The following TNRC6B variants were observed in gnomAD, a reference collection of about 807,000 sequenced individuals.
TNRC6B encodes the protein trinucleotide repeat-containing gene 6B protein.
In TNRC6B, 52 loss-of-function variants were observed where a neutral mutation model predicts 203.6. The observed-to-expected ratio is 0.26, with a 90% CI of 0.20 to 0.32. The LOEUF is 0.32. TNRC6B is among the 10% of genes least tolerant of loss of function. The pLI is 1.00. For missense variants in TNRC6B, 1,923 were observed against 2,286.2 expected, an observed-to-expected ratio of 0.84 and a Z score of 3.24; for synonymous variants, 838 against 845.7, an observed-to-expected ratio of 0.99 and a Z score of 0.16.
chr22:40,110,446 C>A (rs1473355739), intron 1 of TNRC6B, among the ~76,000 whole-genome samples: 1 of 152,168 alleles, frequency 6.6e-6, no homozygotes, highest in Non-Finnish European at 1.5e-5. Flanking sequence ...TTCTTGTAAC[C>A]CTCGGTGAAT....
intron 1 of TNRC6B, among the ~76,000 whole-genome samples, chr22:40,215,196 C>T (rs150946113): frequency 9.2e-5 from 14 of 152,246 alleles, no homozygotes; most frequent in Admixed American, 9.2e-4. Flanking sequence ...CTTACAATCA[C>T]TGGTGTCCTA....
At chr22:40,279,446 T>C (rs1288772886) in intron 9 of TNRC6B, among the ~76,000 whole-genome samples, 1 of 152,214 alleles carries the variant, frequency 6.6e-6, no homozygotes, top group Non-Finnish European at 1.5e-5. Context: ...TTATGGCACC[T>C]GGGAAATTGC....
intron 3 of TNRC6B, among the ~76,000 whole-genome samples, chr22:40,150,974 C>G (rs186972682): frequency 1.3e-5 from 2 of 152,154 alleles, no homozygotes; most frequent in African/African-American, 4.8e-5. Context: ...CAAAATCAAG[C>G]TCTTTAGGGT....
intron 1 of TNRC6B, among the ~76,000 whole-genome samples, chr22:40,097,196 T>C (rs1410734003): frequency 6.6e-6 from 1 of 152,236 alleles, no homozygotes; most frequent in Admixed American, 6.5e-5. Flanking sequence ...AGATTTATTT[T>C]TTATTATAAG....
intron 3 of TNRC6B, among the ~76,000 whole-genome samples, chr22:40,142,256 T>G (rs2068650828): frequency 6.7e-6 from 1 of 149,074 alleles, no homozygotes; most frequent in Admixed American, 6.7e-5. Flanking sequence ...GAGAGGGGTC[T>G]CCACTATGTT....
chr22:40,132,969 A>AAATATATATATATATATATATAT (rs1282694632), intron 3 of TNRC6B, among the ~76,000 whole-genome samples: 7 of 78,170 alleles, frequency 9.0e-5, no homozygotes, highest in Non-Finnish European at 1.8e-4. Flanking sequence ...AAAAAAAAAA[A>AAATATATATATATATATATATAT]ATATATATAT....
intron 3 of TNRC6B, among the ~76,000 whole-genome samples, chr22:40,135,919 T>G (rs919301054): frequency 1.3e-5 from 2 of 152,204 alleles, no homozygotes; most frequent in African/African-American, 4.8e-5. Flanking sequence ...TCTGTATCTT[T>G]ACATTCAGCT....
intron 1 of TNRC6B, among the ~76,000 whole-genome samples, chr22:40,097,961 A>T (rs1472125893): frequency 6.6e-6 from 1 of 152,086 alleles, no homozygotes; most frequent in African/African-American, 2.4e-5. Context: ...CTACAGGTGT[A>T]TGCCACCACT....
intron 3 of TNRC6B, among the ~76,000 whole-genome samples, chr22:40,135,626 G>A (rs565384903): frequency 1.6e-4 from 24 of 152,038 alleles, no homozygotes; most frequent in South Asian, 6.2e-4. Flanking sequence ...CTCAGCCTCC[G>A]GAATAGCTGA....
At position 40,094,283 on chromosome 22, in the gene TNRC6B, G is replaced by T. The variant is rs551736715; in HGVS notation, c.-120-22772G>T. On this transcript the variant is annotated intron_variant, in intron 1 of 23. Coordinates refer to the TNRC6B transcript ENST00000301923. ...GATGCCATCATTCCTAAGACATATT[G>T]TATTTTATGCTCCATTAAGAAAGAA... 4.6e-5 allele frequency among the ~76,000 whole-genome samples: 7 copies of T among 151,992 alleles called. No individual in the cohort carries two copies. In the South Asian group the frequency reaches 1.2e-3, roughly 27 times the overall value.
chr22:40,154,861 ATATATATAT>A (rs1364569866), intron 3 of TNRC6B, among the ~76,000 whole-genome samples: 2 of 18,454 alleles, frequency 1.1e-4, no homozygotes, highest in Non-Finnish European at 1.7e-4. Flanking sequence ...AAAAAAAAAA[ATATATATAT>A]ATATATATAT....
chr22:40,216,535 CCAGGACG>C (rs759776531), intron 1 of TNRC6B, among the ~76,000 whole-genome samples: 1 of 152,034 alleles, frequency 6.6e-6, no homozygotes, highest in Non-Finnish European at 1.5e-5. Context: ...TCCCATGAAC[CCAGGACG>C]CAGAGGTTGT....
intron 1 of TNRC6B, among the ~76,000 whole-genome samples, chr22:40,059,823 T>G (rs1029073500): frequency 1.1e-4 from 17 of 150,338 alleles, no homozygotes; most frequent in African/African-American, 3.2e-4. Flanking sequence ...TGGTTTTTTT[T>G]TTTTTTTTTT....
chr22:40,293,052 C>T (rs980911793), intron 12 of TNRC6B, among the ~76,000 whole-genome samples: 2 of 152,064 alleles, frequency 1.3e-5, no homozygotes, highest in Non-Finnish European at 1.5e-5. Context: ...TGGATTTGGG[C>T]AGCTATGGTT....
intron 16 of TNRC6B, among the ~76,000 whole-genome samples, chr22:40,309,995 A>G (rs1179055931): frequency 6.6e-6 from 1 of 152,208 alleles, no homozygotes; most frequent in African/African-American, 2.4e-5. Context: ...TAGTATGTAA[A>G]ATTCATTTGA....
chr22:40,150,235 A>G (rs2068737996), intron 3 of TNRC6B, among the ~76,000 whole-genome samples: 1 of 152,106 alleles, frequency 6.6e-6, no homozygotes. Flanking sequence ...AAAATTAGCC[A>G]GGCGTGGTCG....
At chr22:40,227,158 C>G (rs2069800170) in intron 1 of TNRC6B, among the ~76,000 whole-genome samples, 1 of 149,088 alleles carries the variant, frequency 6.7e-6, no homozygotes, top group Non-Finnish European at 1.5e-5. Context: ...GTTGGCCAGG[C>G]TGGTCTCAAA....
intron 1 of TNRC6B, among the ~76,000 whole-genome samples, chr22:40,232,091 A>G (rs1041640702): frequency 3.3e-5 from 5 of 152,200 alleles, no homozygotes; most frequent in African/African-American, 1.2e-4. Flanking sequence ...TAATAGAGAT[A>G]CATAATTACT....
intron 1 of TNRC6B, among the ~76,000 whole-genome samples, chr22:40,090,949 C>T (rs1197802301): frequency 1.3e-5 from 2 of 152,164 alleles, no homozygotes; most frequent in Non-Finnish European, 2.9e-5. Flanking sequence ...AGACTCTCTT[C>T]ATCCAATGAT....
Sources: allele counts gnomAD v4.1 joint callset (sites outside exome capture counted in the v4.1 genomes callset), GRCh38; gene constraint gnomAD v4.1.1; transcripts MANE v1.5; gene names NCBI Gene and HGNC (gene_info 2026-07-23, HGNC 2026-07-21).